The following DENND2C variants were observed in gnomAD, a reference collection of about 807,000 sequenced individuals.
The protein encoded by DENND2C is DENN domain containing 2C, also known as DENN domain-containing protein 2C.
In DENND2C, 72 loss-of-function variants were observed where a neutral mutation model predicts 112.4. The ratio of observed to expected loss-of-function variants is 0.64; its 90% CI spans 0.53 to 0.78. DENND2C has a LOEUF of 0.78. Among genes scored for constraint, DENND2C ranks in the 30% least tolerant of loss-of-function variants. The pLI is 0.00. For synonymous variants in DENND2C, 329 were observed against 381.6 expected (o/e 0.86, Z 1.61); for missense variants, 992 against 1,113.8 (o/e 0.89, Z 1.56).
chr1:114,590,225 AC>A (rs1246163501), intron 18 of DENND2C, among the ~76,000 whole-genome samples: 1 of 152,072 alleles, frequency 6.6e-6, no homozygotes, highest in Non-Finnish European at 1.5e-5. Flanking sequence ...CTCCATCTCT[AC>A]AAAAAATTAA....
chr1:114,597,272 C>T (rs1655368862), intron 16 of DENND2C, among the ~76,000 whole-genome samples: 1 of 151,360 alleles, frequency 6.6e-6, no homozygotes, highest in Non-Finnish European at 1.5e-5. Context: ...GGTGAAACCC[C>T]GTCTCTACTA....
chr1:114,635,039 A>C (rs974167535), intron 3 of DENND2C, among the ~76,000 whole-genome samples: 2 of 150,178 alleles, frequency 1.3e-5, no homozygotes, highest in Non-Finnish European at 3.0e-5. Flanking sequence ...AAAAAAAAAA[A>C]AAAAAGAAAA....
intron 16 of DENND2C, among the ~76,000 whole-genome samples, chr1:114,598,970 A>C (rs576434360): frequency 1.3e-5 from 2 of 152,352 alleles, no homozygotes; most frequent in South Asian, 2.1e-4. Context: ...GGCATAAGCC[A>C]CCATGCCCGG....
intron 1 of DENND2C, among the ~76,000 whole-genome samples, chr1:114,662,756 G>A (rs1657533158): frequency 6.6e-6 from 1 of 152,178 alleles, no homozygotes; most frequent in African/African-American, 2.4e-5. Flanking sequence ...GGGAGTTCAA[G>A]CCCAACCTAG....
rs1657008432 is a variant in DENND2C, at chr1:114,647,015, C to G, written c.-316-1456G>C. Among the ~76,000 whole-genome samples, 3 of 152,136 alleles carry G rather than the reference C, an allele frequency of 2.0e-5. No homozygotes were observed. In the South Asian group the frequency reaches 6.2e-4, roughly 32 times the overall value. On this transcript the variant is annotated intron_variant, in intron 2 of 20. Transcript: ENST00000393274. ...TCTCTACTAAAAATACAAAAATAAG[C>G]TGGACGTGGTGGTGCATGCCTGTAA... is the stretch of plus-strand genomic sequence containing the variant.
chr1:114,600,470 G>C, intron 14 of DENND2C, 118 bp from the exon 15 acceptor site: 3 of 1,328,996 alleles, frequency 2.3e-6, no homozygotes, highest in Non-Finnish European at 3.1e-6. Context: ...GCTACACGGG[G>C]TCTGTGAAGC....
At chr1:114,626,507 A>G (rs1656346495) in intron 3 of DENND2C, among the ~76,000 whole-genome samples, 1 of 130,798 alleles carries the variant, frequency 7.6e-6, no homozygotes, top group African/African-American at 3.0e-5. Flanking sequence ...TAATAAATTA[A>G]TTCTTTTTTT....
At chr1:114,644,283 G>C (rs144463793) in intron 3 of DENND2C, among the ~76,000 whole-genome samples, 2 of 152,008 alleles carry the variant, frequency 1.3e-5, no homozygotes, top group African/African-American at 4.8e-5. Flanking sequence ...TTTCTCCATA[G>C]AACTTATCAT....
At chr1:114,606,006 AT>A (rs1178047925) in intron 10 of DENND2C, among the ~76,000 whole-genome samples, 1 of 152,200 alleles carries the variant, frequency 6.6e-6, no homozygotes, top group African/African-American at 2.4e-5. Context: ...CCTGTCCTCT[AT>A]AAAAACAAGC....
At position 114,600,870 on chromosome 1, in the gene DENND2C, G is replaced by A. The variant is rs150875915; in HGVS notation, c.1906C>T (p.Pro636Ser). 10 of 1,613,966 alleles carry A rather than the reference G, an allele frequency of 6.2e-6. No individual in the cohort carries two copies. In the African/African-American group the frequency reaches 1.1e-4, roughly 17 times the overall value. Reference sequence around the variant, plus strand: ...CTCTTAACTGTGATGGTGCGTCCAGGAGCTGGGAAAGGAGCTTCCATGACA... The same window carrying A: ...CTCTTAACTGTGATGGTGCGTCCAGAAGCTGGGAAAGGAGCTTCCATGACA... ...RSVMEAPFPA[P>S]GRTITVKSYL... Residue 636 changes from proline to serine, a missense_variant, in exon 14 of 21, where the codon CCT becomes TCT. Pro to Ser is a moderately conservative substitution (Grantham distance 74). This residue lies in a region of DENND2C where 516 missense variants were observed against 623.6 expected (regional missense o/e 0.83). Coordinates refer to ENST00000393274, the MANE Select transcript of DENND2C (RefSeq NM_001256404.2).
intron 3 of DENND2C, among the ~76,000 whole-genome samples, chr1:114,634,731 T>C (rs1656601472): frequency 6.6e-6 from 1 of 152,120 alleles, no homozygotes; most frequent in South Asian, 2.1e-4. Flanking sequence ...TTCTTGATAT[T>C]TGAAACTGGA....
At chr1:114,652,980 T>A (rs1419647920) in intron 2 of DENND2C, among the ~76,000 whole-genome samples, 1 of 152,160 alleles carries the variant, frequency 6.6e-6, no homozygotes, top group South Asian at 2.1e-4. Flanking sequence ...TCAGTACAGA[T>A]GCAACCATCC....
chr1:114,654,136 T>C (rs1657243411), intron 2 of DENND2C, among the ~76,000 whole-genome samples: 1 of 152,118 alleles, frequency 6.6e-6, no homozygotes, highest in South Asian at 2.1e-4. Context: ...ATTTTCTAAT[T>C]ATAAAAAATA....
chr1:114,595,566 C>A, intron 17 of DENND2C: 2 of 363,122 alleles, frequency 5.5e-6, no homozygotes, highest in South Asian at 8.7e-5. Flanking sequence ...TGTCGACCCA[C>A]CTGGAGTTGA....
intron 18 of DENND2C, among the ~76,000 whole-genome samples, chr1:114,589,664 C>T (rs1347553512): frequency 6.6e-6 from 1 of 151,964 alleles, no homozygotes; most frequent in Non-Finnish European, 1.5e-5. Context: ...AGCCCCAACA[C>T]TGCATTTATC....
At chr1:114,603,356 C>T (rs1402067021) in intron 11 of DENND2C, among the ~76,000 whole-genome samples, 1 of 151,828 alleles carries the variant, frequency 6.6e-6, no homozygotes, top group Admixed American at 6.6e-5. Flanking sequence ...CCAGGCTGGT[C>T]TCGAACTCCT....
At chr1:114,649,636 A>C (rs1180483812) in intron 2 of DENND2C, among the ~76,000 whole-genome samples, 2 of 152,070 alleles carry the variant, frequency 1.3e-5, no homozygotes, top group Non-Finnish European at 2.9e-5. Context: ...AGCTTTCCAA[A>C]GTGTTGGTAT....
rs1655460580 is a variant in DENND2C, at chr1:114,600,219, A to G, written c.2090T>C (p.Val697Ala). The G allele has an allele frequency of 6.2e-7, 1 of 1,613,978 alleles. No individual in the cohort carries two copies. Among genetic ancestry groups the G allele is most frequent in the Admixed American group, 1.7e-5 (1 of 59,974 alleles). ...SLLLERRVIF[V>A]ANSLSTLSKC... ...TATTTCTTACCTTAGGCTGTTGGCA[A>G]CAAAGATTACCCTACGCTCCAAAAG... The change falls in exon 15 of 21, where the codon GTT becomes GCT. Residue 697 changes from valine (V) to alanine (A), a missense_variant. Physicochemically the swap from Val to Ala is moderately conservative, Grantham distance 64. Coordinates refer to ENST00000393274, the MANE Select transcript of DENND2C (RefSeq NM_001256404.2).
At chr1:114,609,804 T>A (rs1465880298) in intron 9 of DENND2C, among the ~76,000 whole-genome samples, 1 of 152,222 alleles carries the variant, frequency 6.6e-6, no homozygotes, top group Admixed American at 6.5e-5. Context: ...AGAGCATTTT[T>A]AAAAAATGCA....
Sources: gnomAD v4.1 joint callset for allele counts (sites outside exome capture counted in the v4.1 genomes callset) on GRCh38, gnomAD v4.1.1 for gene constraint, gnomAD v4.1.1 regional missense constraint, MANE v1.5 for transcripts, NCBI Gene and HGNC (gene_info 2026-07-23, HGNC 2026-07-21) for gene names.